The following CCSER1 variants were observed in gnomAD, a reference collection of about 807,000 sequenced individuals.
CCSER1 encodes the protein serine-rich coiled-coil domain-containing protein 1.
CCSER1 carries 41 observed loss-of-function variants against 82.0 expected under a neutral mutation model. That is an observed-to-expected ratio of 0.50 (90% confidence interval 0.39 to 0.65). The LOEUF is 0.65. CCSER1 is among the 30% of genes least tolerant of loss of function. The pLI, the probability that CCSER1 is intolerant of heterozygous loss-of-function variation, is 0.00. For missense variants in CCSER1, 1,119 were observed against 1,064.2 expected, an observed-to-expected ratio of 1.05 and a Z score of -0.72; for synonymous variants, 414 against 383.9, an observed-to-expected ratio of 1.08 and a Z score of -0.92.
intron 1 of CCSER1, among the ~76,000 whole-genome samples, chr4:90,187,552 T>C (rs1259875910): frequency 6.6e-6 from 1 of 151,886 alleles, no homozygotes; most frequent in African/African-American, 2.4e-5. Flanking sequence ...ATTAAAATTT[T>C]AGGGTTTTTT....
At chr4:91,124,957 T>C (rs1437000663) in intron 10 of CCSER1, among the ~76,000 whole-genome samples, 1 of 151,824 alleles carries the variant, frequency 6.6e-6, no homozygotes, top group South Asian at 2.1e-4. Context: ...TGAACTTTCT[T>C]TCCCTACATG....
chr4:90,827,065 C>A (rs1417348864), intron 8 of CCSER1, among the ~76,000 whole-genome samples: 1 of 152,174 alleles, frequency 6.6e-6, no homozygotes, highest in African/African-American at 2.4e-5. Context: ...GCTCACAAAT[C>A]AACTTCTCAG....
At chr4:91,381,593 A>G (rs1169201555) in intron 10 of CCSER1, among the ~76,000 whole-genome samples, 1 of 152,182 alleles carries the variant, frequency 6.6e-6, no homozygotes, top group Non-Finnish European at 1.5e-5. Flanking sequence ...TTTCAGCTCC[A>G]TCAGGTCATT....
At chr4:91,069,046 C>T (rs561415948) in intron 9 of CCSER1, among the ~76,000 whole-genome samples, 76 of 152,130 alleles carry the variant, frequency 5.0e-4, no homozygotes, top group African/African-American at 1.7e-3. Context: ...CGGTGGCATG[C>T]ACCTGTAACC....
chr4:91,226,230 G>T (rs1195114631), intron 10 of CCSER1, among the ~76,000 whole-genome samples: 2 of 151,890 alleles, frequency 1.3e-5, no homozygotes, highest in Non-Finnish European at 2.9e-5. Flanking sequence ...AAGGAAAAAT[G>T]CAAGGCAGCA....
chr4:90,524,998 A>G (rs1773580393), intron 5 of CCSER1, among the ~76,000 whole-genome samples: 2 of 152,136 alleles, frequency 1.3e-5, no homozygotes, highest in African/African-American at 4.8e-5. Context: ...TGACTGAACA[A>G]TCTTACAATA....
At chr4:90,653,000 T>C (rs1729049966) in intron 6 of CCSER1, among the ~76,000 whole-genome samples, 1 of 152,168 alleles carries the variant, frequency 6.6e-6, no homozygotes, top group East Asian at 1.9e-4. Flanking sequence ...CTGTGATTTT[T>C]CAGAAAACTT....
intron 4 of CCSER1, among the ~76,000 whole-genome samples, chr4:90,402,404 GT>G (rs1753004949): frequency 6.6e-6 from 1 of 152,024 alleles, no homozygotes; most frequent in African/African-American, 2.4e-5. Context: ...GTTTTGTTTA[GT>G]TTTTTTCAGG....
intron 5 of CCSER1, among the ~76,000 whole-genome samples, chr4:90,490,244 G>T (rs1035791523): frequency 2.6e-5 from 4 of 152,038 alleles, no homozygotes; most frequent in Non-Finnish European, 5.9e-5. Context: ...TCTCATTATG[G>T]TTTTGATTTG....
intron 10 of CCSER1, among the ~76,000 whole-genome samples, chr4:91,536,422 G>T (rs748813648): frequency 2.0e-5 from 3 of 152,020 alleles, no homozygotes; most frequent in Non-Finnish European, 4.4e-5. Flanking sequence ...CGCAGAGTTG[G>T]ATTCTATCTG....
At chr4:91,380,690 C>T (rs1293369726) in intron 10 of CCSER1, among the ~76,000 whole-genome samples, 61 of 152,138 alleles carry the variant, frequency 4.0e-4, no homozygotes, top group Non-Finnish European at 1.3e-4. Context: ...TGGGTCTTGA[C>T]TCTTTATCTG....
chr4:91,246,962 T>A (rs1302488849), intron 10 of CCSER1, among the ~76,000 whole-genome samples: 1 of 151,952 alleles, frequency 6.6e-6, no homozygotes, highest in African/African-American at 2.4e-5. Flanking sequence ...ATGGCTAAAG[T>A]CCAAAACCTG....
At chr4:90,594,107 A>G (rs1313867277) in intron 5 of CCSER1, among the ~76,000 whole-genome samples, 3 of 152,046 alleles carry the variant, frequency 2.0e-5, no homozygotes, top group African/African-American at 7.2e-5. Context: ...GGCATTCACT[A>G]GGCAAATTCA....
chr4:90,401,899 CA>C (rs1752929032), intron 4 of CCSER1, among the ~76,000 whole-genome samples: 2 of 152,170 alleles, frequency 1.3e-5, no homozygotes, highest in Non-Finnish European at 2.9e-5. Flanking sequence ...ATACCAAAAC[CA>C]AACCCACTGA....
intron 10 of CCSER1, among the ~76,000 whole-genome samples, chr4:91,368,366 A>G (rs1749791546): frequency 6.6e-6 from 1 of 152,172 alleles, no homozygotes; most frequent in Non-Finnish European, 1.5e-5. Flanking sequence ...TTTAGCAAAT[A>G]TAACAGCAGG....
At chr4:90,504,072 T>G (rs991000464) in intron 5 of CCSER1, among the ~76,000 whole-genome samples, 2 of 152,194 alleles carry the variant, frequency 1.3e-5, no homozygotes, top group Non-Finnish European at 2.9e-5. Context: ...TTTTTTATCT[T>G]TTTCACTTAT....
intron 6 of CCSER1, among the ~76,000 whole-genome samples, chr4:90,656,613 A>G (rs1729750207): frequency 6.6e-6 from 1 of 151,888 alleles, no homozygotes; most frequent in African/African-American, 2.4e-5. Context: ...AATCCTTTTT[A>G]TCTTTTAATT....
At chr4:90,824,773 A>G (rs1045204626) in intron 8 of CCSER1, among the ~76,000 whole-genome samples, 2 of 152,192 alleles carry the variant, frequency 1.3e-5, no homozygotes, top group Non-Finnish European at 2.9e-5. Flanking sequence ...GACAGCTGTA[A>G]GTACTTTCAA....
chr4:90,274,890 A>G (rs1727251193), intron 1 of CCSER1, among the ~76,000 whole-genome samples: 1 of 152,194 alleles, frequency 6.6e-6, no homozygotes, highest in African/African-American at 2.4e-5. Context: ...GATTGGGCTT[A>G]CACTGTCTTG....
Sources: gnomAD v4.1 joint callset for allele counts (sites outside exome capture counted in the v4.1 genomes callset) on GRCh38, gnomAD v4.1.1 for gene constraint, MANE v1.5 for transcripts, NCBI Gene and HGNC (gene_info 2026-07-23, HGNC 2026-07-21) for gene names.